Variants in RABGAP1 observed in about 807,000 individuals in gnomAD.
RABGAP1 encodes the protein RAB GTPase activating protein 1, also known as rab GTPase-activating protein 1.
RABGAP1 carries 23 observed loss-of-function variants against 137.6 expected under a neutral mutation model. The ratio of observed to expected loss-of-function variants is 0.17; its 90% CI spans 0.12 to 0.24. RABGAP1 has a LOEUF of 0.24. Ranked by LOEUF, RABGAP1 falls within the 10% of genes least tolerant of loss-of-function variation. The pLI is 1.00. For synonymous variants in RABGAP1, 451 were observed against 450.7 expected, an observed-to-expected ratio of 1.00 and a Z score of -0.01; for missense variants, 906 against 1,275.8, an observed-to-expected ratio of 0.71 and a Z score of 4.42.
At chr9:122,958,541 G>T (rs922957807) in intron 2 of RABGAP1, among the ~76,000 whole-genome samples, 14 of 152,020 alleles carry the variant, frequency 9.2e-5, no homozygotes, top group Admixed American at 3.9e-4. Context: ...GGGGCCTGTC[G>T]TGGGGTGGGG....
chr9:123,009,450 T>C (rs1381710999), intron 10 of RABGAP1, among the ~76,000 whole-genome samples: 3 of 152,218 alleles, frequency 2.0e-5, no homozygotes, highest in Non-Finnish European at 2.9e-5. Context: ...TCTGTGTTTT[T>C]ACTTTGGTAT....
intron 16 of RABGAP1, 146 bp from the exon 17 acceptor site, chr9:123,074,139 T>C: frequency 1.1e-6 from 1 of 906,620 alleles, no homozygotes; most frequent in Middle Eastern, 2.2e-4. Context: ...TAATACCAGA[T>C]GATAAGTGTT....
chr9:123,034,984 C>T (rs766909648), intron 13 of RABGAP1: 1 of 1,613,744 alleles, frequency 6.2e-7, no homozygotes, highest in Non-Finnish European at 8.5e-7. Context: ...CTATAATACT[C>T]TGGTTACACC....
intron 1 of RABGAP1, among the ~76,000 whole-genome samples, chr9:122,942,515 CA>C (rs1833640692): frequency 6.6e-6 from 1 of 151,766 alleles, no homozygotes; most frequent in Non-Finnish European, 1.5e-5. Flanking sequence ...ACTGAAAATA[CA>C]AAAATTAGAC....
intron 13 of RABGAP1, among the ~76,000 whole-genome samples, chr9:123,050,565 C>T (rs1588335607): frequency 6.6e-6 from 1 of 152,336 alleles, no homozygotes; most frequent in East Asian, 1.9e-4. Context: ...TATATAATTA[C>T]ATTCTTCAGA....
chr9:123,022,650 C>G (rs113751306), intron 13 of RABGAP1, among the ~76,000 whole-genome samples: 2 of 152,058 alleles, frequency 1.3e-5, no homozygotes, highest in African/African-American at 4.8e-5. Context: ...CATGATCCGC[C>G]CGCCTCGACC....
intron 3 of RABGAP1, among the ~76,000 whole-genome samples, chr9:122,985,491 A>G (rs2131748719): frequency 6.6e-6 from 1 of 151,992 alleles, no homozygotes; most frequent in East Asian, 1.9e-4. Flanking sequence ...ACGCACCTGT[A>G]GTCACAGCTA....
chr9:123,099,347 C>A (rs2035274737), intron 23 of RABGAP1, 131 bp from the exon 24 acceptor site: 1 of 792,156 alleles, frequency 1.3e-6, no homozygotes, highest in East Asian at 2.6e-5. Flanking sequence ...GACTTCATAT[C>A]CCCTCCTGAG....
In RABGAP1 at chr9:123,010,502, C is replaced by T; in HGVS notation, c.1523C>T (p.Ser508Phe). The change falls in exon 11 of 26, where the codon TCT becomes TTT. Residue 508 changes from serine to phenylalanine, a missense_variant. Physicochemically the swap from Ser to Phe is radical, Grantham distance 155 (BLOSUM62 -2). Around this residue, in one of 9 missense-constraint regions of RABGAP1, gnomAD observed 212 missense variants for 289.4 expected, o/e 0.73. Transcript: ENST00000373647. Reference sequence around the variant, plus strand: ...GGATCGCAAAGTTCAGTGATACCTTCTCCTCCAGAAGATGATGAAGAGGAA... The same window carrying T: ...GGATCGCAAAGTTCAGTGATACCTTTTCCTCCAGAAGATGATGAAGAGGAA... Reference protein sequence around the residue: ...QSGSQSSVIPSPPEDDEEEDN... With the variant: ...QSGSQSSVIPFPPEDDEEEDN... The T allele has an allele frequency of 6.2e-7, 1 of 1,612,856 alleles. No individual in the cohort carries two copies. The highest frequency in any genetic ancestry group is 8.5e-7 in the Non-Finnish European group (1 of 1,179,740).
intron 13 of RABGAP1, among the ~76,000 whole-genome samples, chr9:123,051,218 T>G (rs1353312832): frequency 8.3e-5 from 1 of 12,040 alleles, no homozygotes; most frequent in African/African-American, 5.2e-4. Flanking sequence ...TCACCTTGGT[T>G]TTTTTTTTTT....
chr9:122,986,190 C>T (rs1220837566), intron 3 of RABGAP1, 25 bp from the exon 4 acceptor site: 24 of 1,594,076 alleles, frequency 1.5e-5, no homozygotes, highest in Non-Finnish European at 2.0e-5. Context: ...AAAGTAATCA[C>T]TTCCTTATTC....
chr9:122,949,487 C>T (rs1017596427), intron 1 of RABGAP1, among the ~76,000 whole-genome samples: 2 of 151,792 alleles, frequency 1.3e-5, no homozygotes, highest in African/African-American at 4.8e-5. Context: ...GCACTCCAAC[C>T]TGGGCAACAA....
intron 1 of RABGAP1, among the ~76,000 whole-genome samples, chr9:122,945,146 G>GTTTTTTTTTTTTTTTTTTTTTTTT (rs1564348056): frequency 1.1e-4 from 1 of 9,180 alleles, no homozygotes. Context: ...CATAGCTGTT[G>GTTTTTTTTTTTTTTTTTTTTTTTT]CTTTTTTTTT....
intron 10 of RABGAP1, 54 bp from the exon 11 acceptor site, chr9:123,010,300 T>A: frequency 5.5e-6 from 8 of 1,457,150 alleles, no homozygotes; most frequent in Non-Finnish European, 7.4e-6. Context: ...CTGCAATTAA[T>A]TAAAAACATA....
intron 11 of RABGAP1, among the ~76,000 whole-genome samples, chr9:123,011,118 A>G (rs1423188977): frequency 6.6e-6 from 1 of 152,086 alleles, no homozygotes; most frequent in East Asian, 1.9e-4. Flanking sequence ...AACATGAATG[A>G]GAGTCGTTTT....
At chr9:122,976,926 T>C (rs572311821) in intron 2 of RABGAP1, among the ~76,000 whole-genome samples, 16 of 152,318 alleles carry the variant, frequency 1.1e-4, no homozygotes, top group Non-Finnish European at 2.1e-4. Flanking sequence ...AGGATGACTT[T>C]CCAGGAAAGG....
intron 13 of RABGAP1, among the ~76,000 whole-genome samples, chr9:123,041,406 G>A (rs771065420): frequency 6.6e-6 from 1 of 152,140 alleles, no homozygotes; most frequent in Non-Finnish European, 1.5e-5. Flanking sequence ...GGAAACATAG[G>A]CTTAGAGAGG....
chr9:123,052,007 G>A (rs998124346), intron 13 of RABGAP1, among the ~76,000 whole-genome samples: 3 of 145,116 alleles, frequency 2.1e-5, no homozygotes, highest in African/African-American at 7.6e-5. Context: ...GAGTTTCACC[G>A]TATTAGCCAG....
At chr9:122,997,098 A>G (rs1365892315) in intron 8 of RABGAP1, 161 bp from the exon 9 acceptor site, 8 of 605,700 alleles carry the variant, frequency 1.3e-5, no homozygotes, top group South Asian at 2.1e-5. Context: ...TGCATAAATA[A>G]TTGTCACATT....
Sources: allele counts gnomAD v4.1 joint callset (sites outside exome capture counted in the v4.1 genomes callset), GRCh38; gene constraint gnomAD v4.1.1; regional missense constraint gnomAD v4.1.1; transcripts MANE v1.5; gene names NCBI Gene and HGNC (gene_info 2026-07-23, HGNC 2026-07-21).